The following FBXO21 variants were observed in gnomAD, a reference collection of about 807,000 sequenced individuals.
FBXO21 encodes F-box only protein 21.
Under a neutral mutation model 76.6 loss-of-function variants are expected in FBXO21, and 32 were observed. That is an observed-to-expected ratio of 0.42 (90% CI 0.32 to 0.56). FBXO21 has a LOEUF of 0.56. Among genes scored for constraint, FBXO21 ranks in the 20% least tolerant of loss-of-function variants. FBXO21 has a pLI of 0.16. For missense variants in FBXO21, 586 were observed against 797.3 expected, an observed-to-expected ratio of 0.73 and a Z score of 3.19; for synonymous variants, 328 against 311.5, an observed-to-expected ratio of 1.05 and a Z score of -0.56.
intron 9 of FBXO21, 28 bp downstream of exon 9, chr12:117,165,457 G>T: frequency 6.2e-7 from 1 of 1,608,758 alleles, no homozygotes; most frequent in South Asian, 1.1e-5. Context: ...TCTAAGGCAA[G>T]TGCAAAGCAT....
In FBXO21 at chr12:117,145,392, A is replaced by C. The variant is rs1390086353; in HGVS notation, c.*695T>G. 6.6e-6 allele frequency: 1 copy of C among 152,192 alleles called. No homozygotes were observed. Among genetic ancestry groups the C allele is most frequent in the African/African-American group, 2.4e-5 (1 of 41,466 alleles). The allele number at this position is 152,192 out of a possible 1,614,324, so 9.4% of individuals were successfully genotyped here. ...ATAAAATAGAAAACTAATGATTTATAGAGATGTGCATAAACTCAAGAGAGG... is the reference window on the plus strand; with the variant it reads ...ATAAAATAGAAAACTAATGATTTATCGAGATGTGCATAAACTCAAGAGAGG... On this transcript the variant is annotated 3_prime_UTR_variant, in exon 12 of 12. Transcript: ENST00000622495.
rs190566350 is a variant in FBXO21 at position 117,186,619 on chromosome 12, C to T, written c.376-48G>A. ...TAGGCCTCAATTATGAGTATTGATG[C>T]AACTCTCACTCTCACAAATTTGAGC... On this transcript the variant is annotated intron_variant, in intron 2 of 11. Coordinates refer to ENST00000622495, the MANE Select transcript of FBXO21 (RefSeq NM_015002.3). The T allele has an allele frequency of 1.9e-3, 2,213 of 1,185,404 alleles. 12 individuals carry two copies. Among genetic ancestry groups the T allele is most frequent in the Non-Finnish European group, 1.5e-3 (1,191 of 805,716 alleles). 73.4% of individuals were successfully genotyped at this position (1,185,404 alleles called of 1,614,324 possible).
intron 4 of FBXO21, among the ~76,000 whole-genome samples, chr12:117,176,717 G>A (rs1422497568): frequency 2.0e-5 from 3 of 152,110 alleles, no homozygotes; most frequent in Non-Finnish European, 2.9e-5. Flanking sequence ...TGGCACTTGA[G>A]CACGGGAGTT....
chr12:117,145,031 CAA>C lies in FBXO21; in HGVS notation c.*1054_*1055del, dbSNP rs1955752468. 2 of 150,338 alleles carry C rather than the reference CAA, an allele frequency of 1.3e-5. No homozygotes were observed. Among genetic ancestry groups the C allele is most frequent in the South Asian group, 4.2e-4 (2 of 4,730 alleles). The allele number at this position is 150,338 out of a possible 1,614,324, so 9.3% of individuals were successfully genotyped here. ...GCCTTGAAGTGACTCTAAGGAATAA[CAA>C]GAGGTGTGAAACCACTTTTTTTCCC... On this transcript the variant is annotated 3_prime_UTR_variant, in exon 12 of 12. Transcript: ENST00000622495.
Position 117,162,302 on chromosome 12 carries a change from C to A in FBXO21, c.1326+3183G>T, listed in dbSNP as rs191845547. 8.5e-5 allele frequency among the ~76,000 whole-genome samples: 13 copies of A among 152,312 alleles called. No individual in the cohort carries two copies. The South Asian group carries it at 1.4e-3, about 17-fold the overall frequency. On this transcript the variant is annotated intron_variant, in intron 9 of 11. Transcript: ENST00000622495. Reference sequence around the variant, plus strand: ...GCCTGTGTGCTGGCTTCTTCAGAAGCGCTCTGGCCTTGGCCCACTGTACCA... The same window carrying A: ...GCCTGTGTGCTGGCTTCTTCAGAAGAGCTCTGGCCTTGGCCCACTGTACCA...
At chr12:117,164,274 C>A (rs200131106) in intron 9 of FBXO21, among the ~76,000 whole-genome samples, 2 of 126,842 alleles carry the variant, frequency 1.6e-5, no homozygotes, top group Non-Finnish European at 1.7e-5. Context: ...CTTTTCTTTT[C>A]TTTTTTTTTT....
At chr12:117,155,970 G>C in intron 10 of FBXO21, 22 bp from the exon 11 acceptor site, 1 of 1,612,172 alleles carries the variant, frequency 6.2e-7, no homozygotes, top group South Asian at 1.1e-5. Flanking sequence ...AGGAGGAGCA[G>C]TCAGTCCCTG....
intron 3 of FBXO21, among the ~76,000 whole-genome samples, chr12:117,181,512 A>G (rs899465363): frequency 1.3e-5 from 2 of 152,134 alleles, no homozygotes; most frequent in African/African-American, 4.8e-5. Context: ...TCTCAGGTAC[A>G]ATGTATGAAT....
chr12:117,190,313 C>G lies in FBXO21; in HGVS notation c.144G>C (p.Thr48=), dbSNP rs199702539. The G allele has an allele frequency of 1.4e-3, 2,129 of 1,530,694 alleles. 35 individuals are homozygous for G. The East Asian group carries it at 0.03, about 21-fold the overall frequency. 94.8% of individuals were successfully genotyped at this position (1,530,694 alleles called of 1,614,324 possible). A position where few individuals can be genotyped will look rare whatever the true frequency, so the allele number is the denominator to read the frequency against. ...LEYILCCGSL[T]AADIGRVSST... ...TGGAGACACGGCCGATGTCGGCGGC[C>G]GTCAGCGAGCCGCAGCACAGGATGT... Residue 48 remains threonine (T), a synonymous_variant, in exon 1 of 12, where the codon ACG becomes ACC. Transcript: ENST00000622495.
At chr12:117,156,074 G>A in intron 10 of FBXO21, 126 bp from the exon 11 acceptor site, 1 of 810,538 alleles carries the variant, frequency 1.2e-6, no homozygotes, top group South Asian at 1.6e-5. Flanking sequence ...CATTTTTCAG[G>A]ACACCCCTAA....
At chr12:117,186,046 G>T (rs1956280629) in intron 3 of FBXO21, among the ~76,000 whole-genome samples, 1 of 152,088 alleles carries the variant, frequency 6.6e-6, no homozygotes, top group Non-Finnish European at 1.5e-5. Flanking sequence ...CTAATTTTTT[G>T]TATTTTTTTA....
Position 117,146,003 on chromosome 12 carries a change from G to C in FBXO21, c.*84C>G. The C allele has an allele frequency of 8.3e-7, 1 of 1,201,680 alleles. No individual in the cohort carries two copies. 74.4% of individuals were successfully genotyped at this position (1,201,680 alleles called of 1,614,324 possible). A position where few individuals can be genotyped will look rare whatever the true frequency, so the allele number is the denominator to read the frequency against. On this transcript the variant is annotated 3_prime_UTR_variant, in exon 12 of 12. Transcript: ENST00000622495. ...CTTTCCTGGTGCAGCAGGTCCCGAGGGCTCCGTGGAGACGTCTTCTTCCGG... is the reference window on the plus strand; with the variant it reads ...CTTTCCTGGTGCAGCAGGTCCCGAGCGCTCCGTGGAGACGTCTTCTTCCGG...
Position 117,144,326 on chromosome 12 carries a change from G to A in FBXO21, c.*1761C>T, listed in dbSNP as rs753751174. Reference sequence around the variant, plus strand: ...TCCCAACCTTGGCGGGCCAGGTGCTGTGAGTGGTTACGTTTCCAGATGCAG... The same window carrying A: ...TCCCAACCTTGGCGGGCCAGGTGCTATGAGTGGTTACGTTTCCAGATGCAG... On this transcript the variant is annotated 3_prime_UTR_variant, in exon 12 of 12. Transcript: ENST00000622495. The A allele has an allele frequency of 6.6e-6, 1 of 152,222 alleles. No individual in the cohort carries two copies. The highest frequency in any genetic ancestry group is 2.4e-5 in the African/African-American group (1 of 41,452). The allele number at this position is 152,222 out of a possible 1,614,324, so 9.4% of individuals were successfully genotyped here.
At chr12:117,174,033 A>T (rs1475092176) in intron 6 of FBXO21, among the ~76,000 whole-genome samples, 172 bp downstream of exon 6, 1 of 152,070 alleles carries the variant, frequency 6.6e-6, no homozygotes, top group Non-Finnish European at 1.5e-5. Flanking sequence ...GCTACTCAGG[A>T]GGGTGCGGCG....
At position 117,190,365 on chromosome 12, in the gene FBXO21, A is replaced by G. The variant is rs1227195122; in HGVS notation, c.92T>C (p.Val31Ala). 7.8e-6 allele frequency: 12 copies of G among 1,529,006 alleles called. No individual in the cohort carries two copies. 94.7% of individuals were successfully genotyped at this position (1,529,006 alleles called of 1,614,324 possible). ...CTCCAGCACCTCACCCGGCAGGTTG[A>G]CGAGGCAGCTGAGGCCCGCTACCTC... is the stretch of plus-strand genomic sequence containing the variant. ...APEVAGLSCL[V>A]NLPGEVLEYI... Residue 31 changes from valine (V) to alanine (A), a missense_variant, in exon 1 of 12, where the codon GTC becomes GCC. This residue lies in a region of FBXO21 where 152 missense variants were observed against 127.2 expected (regional missense o/e 1.19). Transcript: ENST00000622495.
chr12:117,148,747 A>T (rs1955806958), intron 11 of FBXO21, among the ~76,000 whole-genome samples: 2 of 152,184 alleles, frequency 1.3e-5, no homozygotes, highest in South Asian at 4.1e-4. Context: ...AAAATCCAAC[A>T]GTCAGGAGAC....
intron 11 of FBXO21, among the ~76,000 whole-genome samples, chr12:117,153,662 T>G (rs1328043107): frequency 1.3e-5 from 2 of 152,026 alleles, no homozygotes. Flanking sequence ...GATCTGCCCC[T>G]TGGCCCAGGA....
At position 117,155,769 on chromosome 12, in the gene FBXO21, A is replaced by G. The variant is rs553351940; in HGVS notation, c.1675+22T>C. On this transcript the variant is annotated intron_variant, in intron 11 of 11. Transcript: ENST00000622495. ...AAAACACGCCCGCGGGGCCACTGGCACAAGCGGAACCCGCCGCTTACCTTG... is the reference window on the plus strand; with the variant it reads ...AAAACACGCCCGCGGGGCCACTGGCGCAAGCGGAACCCGCCGCTTACCTTG... 3.7e-6 allele frequency: 6 copies of G among 1,604,364 alleles called. No individual in the cohort carries two copies. In the Admixed American group the frequency reaches 6.8e-5, roughly 18 times the overall value.
chr12:117,179,334 C>T (rs1956206264), intron 3 of FBXO21, among the ~76,000 whole-genome samples: 1 of 152,220 alleles, frequency 6.6e-6, no homozygotes, highest in Admixed American at 6.5e-5. Context: ...CAAACCACAC[C>T]TCTATGGTCA....
Sources: allele counts gnomAD v4.1 joint callset (sites outside exome capture counted in the v4.1 genomes callset), GRCh38; gene constraint gnomAD v4.1.1; regional missense constraint gnomAD v4.1.1; transcripts MANE v1.5; gene names NCBI Gene and HGNC (gene_info 2026-07-23, HGNC 2026-07-21).